ELMO1: variants seen among roughly 807,000 people sequenced by gnomAD.
ELMO1 encodes engulfment and cell motility protein 1.
Under a neutral mutation model 98.9 loss-of-function variants are expected in ELMO1, and 26 were observed. The ratio of observed to expected loss-of-function variants is 0.26; its 90% confidence interval spans 0.19 to 0.36. The LOEUF is 0.36. Among genes scored for constraint, ELMO1 ranks in the 10% least tolerant of loss-of-function variants. The pLI, the probability that ELMO1 is intolerant of heterozygous loss-of-function variation, is 1.00. For missense variants in ELMO1, 627 were observed against 935.2 expected (o/e 0.67, Z 4.30); for synonymous variants, 346 against 346.0 (o/e 1.00, Z 0.00).
intron 1 of ELMO1, among the ~76,000 whole-genome samples, chr7:37,372,519 A>T (rs1456651587): frequency 6.6e-6 from 1 of 152,232 alleles, no homozygotes; most frequent in African/African-American, 2.4e-5. Flanking sequence ...AGGTCAAAAT[A>T]AAATTTTCCA....
chr7:36,998,854 C>T (rs534904278), intron 16 of ELMO1, among the ~76,000 whole-genome samples: 6 of 151,796 alleles, frequency 4.0e-5, no homozygotes, highest in African/African-American at 9.7e-5. Flanking sequence ...CATGAAAAGG[C>T]GAGCTGGGAA....
At chr7:36,976,973 A>G (rs772030304) in intron 16 of ELMO1, among the ~76,000 whole-genome samples, 1 of 152,206 alleles carries the variant, frequency 6.6e-6, no homozygotes, top group Non-Finnish European at 1.5e-5. Context: ...GGGCTTGGGA[A>G]TCAAGACACA....
intron 4 of ELMO1, among the ~76,000 whole-genome samples, chr7:37,287,251 G>A (rs568600062): frequency 2.0e-5 from 3 of 151,946 alleles, no homozygotes; most frequent in Middle Eastern, 3.4e-3. Flanking sequence ...ATCAATGCAC[G>A]TGTCAGCAAT....
intron 13 of ELMO1, among the ~76,000 whole-genome samples, chr7:37,168,071 C>T (rs375954870): frequency 2.3e-4 from 34 of 148,108 alleles, no homozygotes; most frequent in East Asian, 2.2e-3. Flanking sequence ...CTTCCCTTCT[C>T]GCTTCATTTC....
chr7:37,157,035 T>A (rs982320032), intron 13 of ELMO1, among the ~76,000 whole-genome samples: 1 of 152,174 alleles, frequency 6.6e-6, no homozygotes, highest in South Asian at 2.1e-4. Flanking sequence ...ATAAACATAA[T>A]CCATCACATA....
rs1341024189 is a variant in ELMO1, at chr7:36,854,828, G to A, written c.*723C>T. On this transcript the variant is annotated 3_prime_UTR_variant, in exon 22 of 22. Transcript: ENST00000310758. ...AAATGAAGAAGGCAGTTCTGGCCTG[G>A]GGCAGGGAGAGGAAACCCCAGACTA... 3 of 153,722 alleles carry A rather than the reference G, an allele frequency of 2.0e-5. No individual in the cohort carries two copies. Among genetic ancestry groups the A allele is most frequent in the Non-Finnish European group, 4.4e-5 (3 of 68,928 alleles). The allele number at this position is 153,722 out of a possible 1,614,324, so 9.5% of individuals were successfully genotyped here.
intron 13 of ELMO1, among the ~76,000 whole-genome samples, chr7:37,170,810 T>C (rs927344037): frequency 6.6e-6 from 1 of 152,072 alleles, no homozygotes; most frequent in African/African-American, 2.4e-5. Context: ...TTTCAACATG[T>C]TGGACAGACT....
intron 1 of ELMO1, among the ~76,000 whole-genome samples, chr7:37,408,461 G>A (rs1803865999): frequency 6.6e-6 from 1 of 152,216 alleles, no homozygotes; most frequent in Non-Finnish European, 1.5e-5. Context: ...TGGCACTACT[G>A]TGTACACTGC....
intron 16 of ELMO1, among the ~76,000 whole-genome samples, chr7:36,977,728 G>C (rs554671926): frequency 2.6e-5 from 4 of 152,152 alleles, no homozygotes; most frequent in Non-Finnish European, 5.9e-5. Flanking sequence ...GAAGGAGGGC[G>C]GAAGGCAAAG....
At chr7:37,022,013 A>G (rs889540945) in intron 15 of ELMO1, among the ~76,000 whole-genome samples, 3 of 152,210 alleles carry the variant, frequency 2.0e-5, no homozygotes, top group Admixed American at 6.5e-5. Context: ...TGCAGTGGAA[A>G]GGAATTTCAA....
At chr7:37,250,073 T>A (rs1182641274) in intron 6 of ELMO1, among the ~76,000 whole-genome samples, 10 of 151,966 alleles carry the variant, frequency 6.6e-5, no homozygotes, top group African/African-American at 2.4e-4. Flanking sequence ...AGCAAGACTC[T>A]GACTCAAAAA....
intron 13 of ELMO1, among the ~76,000 whole-genome samples, chr7:37,182,208 CAGTGAAA>C (rs1790909443): frequency 6.6e-6 from 1 of 152,116 alleles, no homozygotes; most frequent in Non-Finnish European, 1.5e-5. Flanking sequence ...CAGCTCAGCA[CAGTGAAA>C]ACTAGAGCTT....
intron 13 of ELMO1, among the ~76,000 whole-genome samples, chr7:37,170,480 G>A (rs1790074779): frequency 6.6e-6 from 1 of 152,224 alleles, no homozygotes; most frequent in Non-Finnish European, 1.5e-5. Context: ...CCCAGCAACA[G>A]TCAGAATTGT....
intron 7 of ELMO1, among the ~76,000 whole-genome samples, chr7:37,235,276 C>T (rs1310195117): frequency 6.6e-6 from 1 of 151,938 alleles, no homozygotes; most frequent in Non-Finnish European, 1.5e-5. Context: ...AAGACTGCCT[C>T]AGGAAAATAA....
chr7:37,155,333 G>A (rs1331741185), intron 13 of ELMO1, among the ~76,000 whole-genome samples: 2 of 151,862 alleles, frequency 1.3e-5, no homozygotes, highest in African/African-American at 4.8e-5. Context: ...AATGTAAGTG[G>A]GCTAAACGCC....
intron 19 of ELMO1, among the ~76,000 whole-genome samples, chr7:36,874,770 G>T (rs1803809603): frequency 1.3e-5 from 2 of 152,180 alleles, no homozygotes; most frequent in Admixed American, 6.5e-5. Flanking sequence ...AAGCAGTGGG[G>T]TCCTATGTTT....
chr7:37,217,975 C>T (rs6462745), intron 10 of ELMO1, among the ~76,000 whole-genome samples: 1 of 151,972 alleles, frequency 6.6e-6, no homozygotes, highest in Non-Finnish European at 1.5e-5. Flanking sequence ...AACAAGAAAG[C>T]AGGAGCAATG....
At chr7:37,050,653 C>CAA (rs1466285391) in intron 15 of ELMO1, among the ~76,000 whole-genome samples, 37 of 146,072 alleles carry the variant, frequency 2.5e-4, no homozygotes, top group African/African-American at 9.4e-4. Flanking sequence ...CACACACACA[C>CAA]ACACACAAAA....
chr7:37,030,097 C>T (rs1035926286), intron 15 of ELMO1, among the ~76,000 whole-genome samples: 2 of 152,144 alleles, frequency 1.3e-5, no homozygotes, highest in African/African-American at 4.8e-5. Flanking sequence ...TCTTGGCGGC[C>T]ATCTTTCTCT....
Sources: allele counts gnomAD v4.1 joint callset (sites outside exome capture counted in the v4.1 genomes callset), GRCh38; gene constraint gnomAD v4.1.1; transcripts MANE v1.5; gene names NCBI Gene and HGNC (gene_info 2026-07-23, HGNC 2026-07-21).